RIT2: variants seen among roughly 807,000 people sequenced by gnomAD.
RIT2 encodes the protein GTP-binding protein Rit2.
Under a neutral mutation model 23.7 loss-of-function variants are expected in RIT2, and 24 were observed. The observed-to-expected ratio is 1.01, with a 90% CI of 0.73 to 1.43. The LOEUF (loss-of-function observed/expected upper bound fraction) is 1.43, where lower values mean the gene tolerates loss of function less well. RIT2 is among the 40% of genes most tolerant of loss of function. RIT2 has a pLI of 0.00. For missense variants in RIT2, 236 were observed against 266.9 expected, an observed-to-expected ratio of 0.88 and a Z score of 0.81; for synonymous variants, 107 against 91.1, an observed-to-expected ratio of 1.17 and a Z score of -0.99.
At chr18:42,745,876 C>A (rs571401877) in intron 4 of RIT2, among the ~76,000 whole-genome samples, 66 of 152,222 alleles carry the variant, frequency 4.3e-4, no homozygotes, top group South Asian at 6.2e-4. Context: ...AGCAATACAA[C>A]AGTTCTGGAA....
chr18:43,041,323 T>C (rs1476487161), intron 1 of RIT2, among the ~76,000 whole-genome samples: 1 of 152,170 alleles, frequency 6.6e-6, no homozygotes, highest in Non-Finnish European at 1.5e-5. Flanking sequence ...GTAGACTCAA[T>C]AGCCCTTTGC....
At chr18:42,802,427 A>G (rs963163548) in intron 4 of RIT2, among the ~76,000 whole-genome samples, 1 of 152,198 alleles carries the variant, frequency 6.6e-6, no homozygotes, top group Non-Finnish European at 1.5e-5. Context: ...CTGATAAGAT[A>G]ACATCTGTAG....
At chr18:43,073,322 T>C (rs1912940365) in intron 1 of RIT2, among the ~76,000 whole-genome samples, 1 of 152,214 alleles carries the variant, frequency 6.6e-6, no homozygotes, top group African/African-American at 2.4e-5. Flanking sequence ...TGCTATCATA[T>C]GCTGGATATG....
chr18:42,814,999 C>T (rs551595528), intron 4 of RIT2, among the ~76,000 whole-genome samples: 7 of 152,180 alleles, frequency 4.6e-5, no homozygotes, highest in Admixed American at 2.6e-4. Context: ...GGGAACATCC[C>T]GTGGGAAAAA....
chr18:42,812,742 G>A (rs1412452573), intron 4 of RIT2, among the ~76,000 whole-genome samples: 1 of 152,078 alleles, frequency 6.6e-6, no homozygotes, highest in Non-Finnish European at 1.5e-5. Context: ...AAGTCTCCCA[G>A]GCTATTCATG....
At chr18:43,001,344 C>T (rs1333407623) in intron 2 of RIT2, among the ~76,000 whole-genome samples, 1 of 151,434 alleles carries the variant, frequency 6.6e-6, no homozygotes, top group Non-Finnish European at 1.5e-5. Flanking sequence ...TAAAACAAGA[C>T]AAAAATAAAG....
intron 1 of RIT2, among the ~76,000 whole-genome samples, chr18:43,034,586 T>A (rs1911933294): frequency 6.6e-6 from 1 of 152,166 alleles, no homozygotes; most frequent in Non-Finnish European, 1.5e-5. Context: ...TAGTGTATAA[T>A]AGCTCTTCTC....
At chr18:42,753,917 T>C (rs1913104215) in intron 4 of RIT2, among the ~76,000 whole-genome samples, 2 of 152,176 alleles carry the variant, frequency 1.3e-5, no homozygotes, top group African/African-American at 4.8e-5. Context: ...ACATGTCATT[T>C]CAAACTCCTT....
intron 2 of RIT2, among the ~76,000 whole-genome samples, chr18:43,010,745 A>G: frequency 6.6e-6 from 1 of 151,904 alleles, no homozygotes; most frequent in South Asian, 2.1e-4. Context: ...CACACATACC[A>G]GAGCTCTAGG....
At chr18:43,107,487 T>C (rs775389544) in intron 1 of RIT2, among the ~76,000 whole-genome samples, 1 of 152,182 alleles carries the variant, frequency 6.6e-6, no homozygotes, top group Non-Finnish European at 1.5e-5. Context: ...TTCCAAAATG[T>C]ATATGTTTAA....
Position 43,043,561 on chromosome 18 carries a change from C to T in RIT2, c.104-9694G>A, listed in dbSNP as rs533513033. On this transcript the variant is annotated intron_variant, in intron 1 of 4. Coordinates refer to ENST00000326695, the MANE Select transcript of RIT2 (RefSeq NM_002930.4). ...AACCCAGCACTTTGGGAGGCCAAGG[C>T]GGGCCGATTACCTGAGGTCAGGAGT... Among the ~76,000 whole-genome samples, 19 of 152,198 alleles carry T rather than the reference C, an allele frequency of 1.2e-4. 1 individual carries two copies. The highest frequency in any genetic ancestry group is 3.9e-4 in the Admixed American group (6 of 15,290).
chr18:43,036,293 G>T (rs557852926), intron 1 of RIT2, among the ~76,000 whole-genome samples: 1 of 152,072 alleles, frequency 6.6e-6, no homozygotes, highest in African/African-American at 2.4e-5. Context: ...TAATCCTAGC[G>T]CTTTGGGAGG....
intron 4 of RIT2, among the ~76,000 whole-genome samples, chr18:42,885,743 C>T (rs1856889198): frequency 1.3e-5 from 2 of 152,076 alleles, no homozygotes; most frequent in African/African-American, 4.8e-5. Flanking sequence ...ATATTACAAA[C>T]CATTAACCAA....
intron 3 of RIT2, among the ~76,000 whole-genome samples, chr18:42,927,345 G>T (rs978196006): frequency 2.7e-5 from 4 of 148,796 alleles, no homozygotes; most frequent in African/African-American, 9.8e-5. Flanking sequence ...TACACAACAC[G>T]TATATATGTT....
At chr18:42,943,044 G>A (rs912962427) in intron 3 of RIT2, among the ~76,000 whole-genome samples, 42 of 152,016 alleles carry the variant, frequency 2.8e-4, no homozygotes, top group Non-Finnish European at 2.9e-4. Flanking sequence ...CCCAAAGAGT[G>A]AGCAGCAGCA....
intron 4 of RIT2, among the ~76,000 whole-genome samples, chr18:42,828,533 C>T (rs1275197356): frequency 1.3e-5 from 2 of 152,080 alleles, no homozygotes; most frequent in African/African-American, 2.4e-5. Flanking sequence ...AAATAATTAA[C>T]GAAGTCAGTT....
chr18:42,860,228 T>C (rs1207214097), intron 4 of RIT2, among the ~76,000 whole-genome samples: 1 of 152,100 alleles, frequency 6.6e-6, no homozygotes, highest in Non-Finnish European at 1.5e-5. Context: ...TCAAAACCTG[T>C]CTCCCTCTCT....
chr18:42,853,349 T>C (rs930388971), intron 4 of RIT2, among the ~76,000 whole-genome samples: 1 of 152,240 alleles, frequency 6.6e-6, no homozygotes, highest in Non-Finnish European at 1.5e-5. Flanking sequence ...AAATTCTGAC[T>C]ATGTACAAGT....
intron 2 of RIT2, among the ~76,000 whole-genome samples, chr18:43,030,492 T>C (rs1329632090): frequency 6.6e-6 from 1 of 152,082 alleles, no homozygotes. Context: ...ATGAGAGTCT[T>C]CATTTTGTTC....
Sources: allele counts gnomAD v4.1 joint callset (sites outside exome capture counted in the v4.1 genomes callset), GRCh38; gene constraint gnomAD v4.1.1; transcripts MANE v1.5; gene names NCBI Gene and HGNC (gene_info 2026-07-23, HGNC 2026-07-21).